Variants in EPB41 observed in about 807,000 individuals in gnomAD.
The protein encoded by EPB41 is erythrocyte membrane protein band 4.1.
In EPB41, 65 loss-of-function variants were observed where a neutral mutation model predicts 108.0. The observed-to-expected ratio is 0.60, with a 90% CI of 0.49 to 0.74. The LOEUF (loss-of-function observed/expected upper bound fraction) is 0.74. EPB41 is among the 30% of genes least tolerant of loss of function. EPB41 has a pLI of 0.00. For synonymous variants in EPB41, 336 were observed against 358.9 expected (o/e 0.94, Z 0.72); for missense variants, 875 against 1,037.0 (o/e 0.84, Z 2.15).
At chr1:29,014,925 C>T (rs1407659778) in intron 5 of EPB41, among the ~76,000 whole-genome samples, 1 of 152,050 alleles carries the variant, frequency 6.6e-6, no homozygotes, top group Non-Finnish European at 1.5e-5. Flanking sequence ...GTGGGAGTAT[C>T]GCATGAGCCC....
At chr1:29,047,888 A>G (rs1209667147) in intron 11 of EPB41, among the ~76,000 whole-genome samples, 1 of 151,932 alleles carries the variant, frequency 6.6e-6, no homozygotes, top group Non-Finnish European at 1.5e-5. Context: ...AGTTCAAGCG[A>G]TTCTCCCGCC....
At chr1:29,097,460 G>A (rs540422728) in intron 16 of EPB41, 4 of 353,426 alleles carry the variant, frequency 1.1e-5, no homozygotes, top group Admixed American at 8.2e-5. Flanking sequence ...ACAGACACAA[G>A]GACAAATCAA....
At chr1:28,905,143 GAGGC>G (rs751613073) in intron 1 of EPB41, among the ~76,000 whole-genome samples, 4 of 152,088 alleles carry the variant, frequency 2.6e-5, no homozygotes, top group Non-Finnish European at 4.4e-5. Flanking sequence ...AGGTTGCAGT[GAGGC>G]GAGATTGCGC....
At chr1:28,929,443 G>C (rs2093619456) in intron 1 of EPB41, among the ~76,000 whole-genome samples, 1 of 151,836 alleles carries the variant, frequency 6.6e-6, no homozygotes, top group Non-Finnish European at 1.5e-5. Context: ...TGTTAGCCAG[G>C]ATGGTCTCGA....
At position 28,959,212 on chromosome 1, in the gene EPB41, C is replaced by CTTT. The variant is rs34502231; in HGVS notation, c.-7-28198_-7-28196dup. Among the ~76,000 whole-genome samples the CTTT allele has an allele frequency of 3.7e-3, 360 of 97,922 alleles. 2 individuals are homozygous for CTTT. The highest frequency in any genetic ancestry group is 7.2e-3 in the Middle Eastern group (1 of 138). The allele number at this position is 97,922 out of a possible 152,430, so 64.2% of individuals were successfully genotyped here. ...ACTACGGAGCCTTTAAAAGTTTGATCTTTTTTTTTTTTTTTTTTTTTTTGA... is the reference window on the plus strand; with the variant it reads ...ACTACGGAGCCTTTAAAAGTTTGATCTTTTTTTTTTTTTTTTTTTTTTTTTTGA... On this transcript the variant is annotated intron_variant, in intron 1 of 20. Coordinates refer to ENST00000343067, the MANE Select transcript of EPB41 (RefSeq NM_001376013.1).
chr1:29,110,578 C>T (rs551630923), intron 18 of EPB41, among the ~76,000 whole-genome samples: 1 of 152,248 alleles, frequency 6.6e-6, no homozygotes, highest in South Asian at 2.1e-4. Flanking sequence ...ATTGGAACTA[C>T]CCCCAGAAAA....
intron 16 of EPB41, among the ~76,000 whole-genome samples, chr1:29,094,919 A>C (rs952938006): frequency 8.5e-5 from 13 of 152,214 alleles, no homozygotes; most frequent in Non-Finnish European, 1.6e-4. Context: ...ATTTACATAT[A>C]ACCTATGCAT....
intron 17 of EPB41, among the ~76,000 whole-genome samples, chr1:29,101,178 G>A (rs917384904): frequency 6.7e-6 from 1 of 149,278 alleles, no homozygotes; most frequent in African/African-American, 2.5e-5. Context: ...GAGCCAACAT[G>A]GCGCCATTGC....
chr1:29,081,402 T>G (rs1656551406), intron 16 of EPB41, among the ~76,000 whole-genome samples: 2 of 152,206 alleles, frequency 1.3e-5, no homozygotes, highest in Non-Finnish European at 2.9e-5. Flanking sequence ...GGTGTGGGTA[T>G]GTGGGTGTGA....
intron 1 of EPB41, among the ~76,000 whole-genome samples, chr1:28,934,451 C>T (rs949121909): frequency 5.3e-5 from 8 of 151,420 alleles, no homozygotes; most frequent in South Asian, 2.1e-4. Context: ...TCCTTGAGGG[C>T]AAAATATCTA....
At chr1:29,102,298 T>C (rs1284428976) in intron 17 of EPB41, among the ~76,000 whole-genome samples, 2 of 152,064 alleles carry the variant, frequency 1.3e-5, no homozygotes, top group Non-Finnish European at 2.9e-5. Flanking sequence ...ACATGATAAA[T>C]TGGTAAGTGA....
intron 1 of EPB41, among the ~76,000 whole-genome samples, chr1:28,919,172 G>A (rs1447606097): frequency 2.6e-5 from 4 of 152,166 alleles, no homozygotes; most frequent in Non-Finnish European, 2.9e-5. Context: ...GGGAAAATCC[G>A]ATTATGATGA....
chr1:29,033,798 A>G (rs577614845), intron 9 of EPB41, among the ~76,000 whole-genome samples: 73 of 152,318 alleles, frequency 4.8e-4, no homozygotes, highest in African/African-American at 1.3e-3. Flanking sequence ...TTGAAGAGCC[A>G]TTATGGAATA....
intron 4 of EPB41, among the ~76,000 whole-genome samples, chr1:29,008,456 A>G (rs1385136478): frequency 3.3e-5 from 5 of 152,220 alleles, no homozygotes; most frequent in Non-Finnish European, 5.9e-5. Context: ...ATTGAGGCTC[A>G]GAAACACTGT....
In EPB41 at chr1:28,947,167, C is replaced by G. The variant is rs2094513077; in HGVS notation, c.-8+32399C>G. On this transcript the variant is annotated intron_variant, in intron 1 of 20. Transcript: ENST00000343067. ...GCTGGGTGGCTCACGCCTGTAATCC[C>G]AGCACTTTAGGAAGCCAAGGCGGGT... Among the ~76,000 whole-genome samples, 4 of 152,168 alleles carry G rather than the reference C, an allele frequency of 2.6e-5. No individual in the cohort carries two copies. In the South Asian group the frequency reaches 8.3e-4, roughly 32 times the overall value.
At position 28,921,938 on chromosome 1, in the gene EPB41, T is replaced by TTATATATATTTATATATATA. The variant is rs1553166420; in HGVS notation, c.-8+7179_-8+7180insTTATATATATATATATATAT. On this transcript the variant is annotated intron_variant, in intron 1 of 20. Transcript: ENST00000343067. ...TAAATAGTATTTTATTTATGAAATT[T>TTATATATATTTATATATATA]TATATATATATATATATATATATAC... 2.9e-5 allele frequency among the ~76,000 whole-genome samples: 3 copies of TTATATATATTTATATATATA among 102,652 alleles called. No homozygotes were observed. In the East Asian group the frequency reaches 2.6e-3, roughly 89 times the overall value. The allele number at this position is 102,652 out of a possible 152,430, so 67.3% of individuals were successfully genotyped here. A position where few individuals can be genotyped will look rare whatever the true frequency, so the allele number is the denominator to read the frequency against.
At chr1:29,058,754 A>G (rs1233551674) in intron 13 of EPB41, 57 bp from the exon 14 acceptor site, 15 of 1,530,170 alleles carry the variant, frequency 9.8e-6, no homozygotes, top group Non-Finnish European at 1.2e-5. Flanking sequence ...GTTCAAACAA[A>G]CTTCAATGAG....
chr1:28,971,180 C>CTTTTTTTTT (rs1000130058), intron 1 of EPB41, among the ~76,000 whole-genome samples: 136 of 66,308 alleles, frequency 2.1e-3, no homozygotes, highest in African/African-American at 3.5e-3. Flanking sequence ...TTCTTTCTTT[C>CTTTTTTTTT]TTTTTTTTTT....
At chr1:28,966,345 G>A (rs116815648) in intron 1 of EPB41, among the ~76,000 whole-genome samples, 3,130 of 152,090 alleles carry the variant, frequency 0.021, 97 homozygotes, top group African/African-American at 0.072. Flanking sequence ...CAGATGACTC[G>A]TTCACATCTT....
Sources: allele counts gnomAD v4.1 joint callset (sites outside exome capture counted in the v4.1 genomes callset), GRCh38; gene constraint gnomAD v4.1.1; transcripts MANE v1.5; gene names NCBI Gene and HGNC (gene_info 2026-07-23, HGNC 2026-07-21).